The following CNTN5 variants were observed in gnomAD, a reference collection of about 807,000 sequenced individuals.
CNTN5 encodes contactin-5.
Under a neutral mutation model 129.1 loss-of-function variants are expected in CNTN5, and 77 were observed. That is an observed-to-expected ratio of 0.60 (90% CI 0.50 to 0.72). CNTN5 has a LOEUF of 0.72. Among genes scored for constraint, CNTN5 ranks in the 30% least tolerant of loss-of-function variants. The probability of loss-of-function intolerance (pLI) is 0.00; values close to 1 mark genes in which losing one functional copy is unlikely to be tolerated. For missense variants in CNTN5, 1,478 were observed against 1,328.8 expected (o/e 1.11, Z -1.75); for synonymous variants, 509 against 465.6 (o/e 1.09, Z -1.20).
intron 3 of CNTN5, among the ~76,000 whole-genome samples, chr11:99,584,676 A>G (rs889928429): frequency 2.6e-5 from 4 of 152,240 alleles, no homozygotes; most frequent in Non-Finnish European, 4.4e-5. Flanking sequence ...GACAAACAGG[A>G]GGCATACACA....
intron 21 of CNTN5, among the ~76,000 whole-genome samples, chr11:100,310,771 G>C (rs1951454896): frequency 6.6e-6 from 1 of 151,926 alleles, no homozygotes; most frequent in Non-Finnish European, 1.5e-5. Flanking sequence ...TGTGAGTAGA[G>C]ACATGATGTA....
intron 9 of CNTN5, among the ~76,000 whole-genome samples, chr11:100,017,017 C>T (rs1940860896): frequency 6.6e-6 from 1 of 151,834 alleles, no homozygotes; most frequent in African/African-American, 2.4e-5. Context: ...TCTGCTGCTG[C>T]TTTATGGTAC....
intron 9 of CNTN5, among the ~76,000 whole-genome samples, chr11:100,044,145 TAC>T (rs1942530870): frequency 8.0e-6 from 1 of 125,188 alleles, no homozygotes; most frequent in South Asian, 2.8e-4. Context: ...CATGTGTATG[TAC>T]ACACATATAT....
At chr11:99,841,019 C>T (rs913489519) in intron 4 of CNTN5, among the ~76,000 whole-genome samples, 11 of 151,956 alleles carry the variant, frequency 7.2e-5, no homozygotes, top group African/African-American at 2.7e-4. Flanking sequence ...GTTTCTTTTC[C>T]CCCCCTTAAC....
At chr11:99,226,181 T>C (rs1010383011) in intron 1 of CNTN5, among the ~76,000 whole-genome samples, 4 of 152,192 alleles carry the variant, frequency 2.6e-5, no homozygotes, top group Non-Finnish European at 4.4e-5. Context: ...TCTGGCAAAG[T>C]AACTAGAAAT....
intron 18 of CNTN5, among the ~76,000 whole-genome samples, chr11:100,277,715 T>G (rs1472865078): frequency 6.6e-6 from 1 of 152,138 alleles, no homozygotes. Flanking sequence ...ATTCTGTTTA[T>G]CAATCCTTTG....
At chr11:99,798,894 G>A (rs1375421099) in intron 3 of CNTN5, among the ~76,000 whole-genome samples, 1 of 152,140 alleles carries the variant, frequency 6.6e-6, no homozygotes, top group African/African-American at 2.4e-5. Context: ...TCCGATTAAT[G>A]AGCATGGAAT....
At chr11:99,503,767 T>A (rs1454358143) in intron 2 of CNTN5, among the ~76,000 whole-genome samples, 1 of 152,040 alleles carries the variant, frequency 6.6e-6, no homozygotes. Context: ...ATAATGGAAT[T>A]TTTTTTGTAA....
At chr11:99,688,013 T>A (rs1165274096) in intron 3 of CNTN5, among the ~76,000 whole-genome samples, 1 of 152,210 alleles carries the variant, frequency 6.6e-6, no homozygotes, top group African/African-American at 2.4e-5. Context: ...CCAGGAGCTG[T>A]AAGATGGATT....
intron 1 of CNTN5, among the ~76,000 whole-genome samples, chr11:99,100,129 T>C (rs765926489): frequency 6.6e-6 from 1 of 152,192 alleles, no homozygotes; most frequent in Non-Finnish European, 1.5e-5. Flanking sequence ...AACGCTTCTT[T>C]AGGACCTGCA....
intron 2 of CNTN5, among the ~76,000 whole-genome samples, chr11:99,502,944 A>G (rs1946480072): frequency 6.6e-6 from 1 of 152,146 alleles, no homozygotes; most frequent in African/African-American, 2.4e-5. Context: ...GTCATTCTGC[A>G]TGGCTAGAAA....
chr11:99,750,172 C>A (rs990204063), intron 3 of CNTN5, among the ~76,000 whole-genome samples: 3 of 152,114 alleles, frequency 2.0e-5, no homozygotes, highest in Non-Finnish European at 4.4e-5. Context: ...GGAATTAAAT[C>A]TCCATATTAT....
At chr11:99,641,145 A>G (rs923334509) in intron 3 of CNTN5, among the ~76,000 whole-genome samples, 1 of 152,226 alleles carries the variant, frequency 6.6e-6, no homozygotes, top group Non-Finnish European at 1.5e-5. Context: ...TGATCGGATA[A>G]TCTTTTTCCA....
chr11:100,344,447 G>A (rs1474338382), intron 23 of CNTN5, among the ~76,000 whole-genome samples: 1 of 152,092 alleles, frequency 6.6e-6, no homozygotes, highest in East Asian at 1.9e-4. Flanking sequence ...CTAGAAACTG[G>A]ATCTCATAAA....
In CNTN5 at chr11:99,808,864, A is replaced by G. The variant is rs1482724243; in HGVS notation, c.56-10680A>G. 2.6e-5 allele frequency among the ~76,000 whole-genome samples: 4 copies of G among 152,106 alleles called. No homozygotes were observed. In the East Asian group the frequency reaches 7.7e-4, roughly 29 times the overall value. ...CACCTATTCCTCTCTCCCTTTTAAG[A>G]TTGTGCCTTGTGACTTGAGCATCAC... On this transcript the variant is annotated intron_variant, in intron 3 of 24. Transcript: ENST00000524871.
chr11:99,102,723 A>G (rs575366961), intron 1 of CNTN5, among the ~76,000 whole-genome samples: 8 of 152,310 alleles, frequency 5.3e-5, no homozygotes, highest in African/African-American at 1.7e-4. Flanking sequence ...AAGCCATTCA[A>G]CAAGTCTCTG....
At chr11:99,254,337 T>C (rs59833264) in intron 1 of CNTN5, among the ~76,000 whole-genome samples, 2,612 of 152,070 alleles carry the variant, frequency 0.017, 87 homozygotes, top group African/African-American at 0.06. Flanking sequence ...TTTCACGAAA[T>C]AGGGTGAATT....
chr11:99,079,561 A>G (rs1865711079), intron 1 of CNTN5, among the ~76,000 whole-genome samples: 1 of 152,230 alleles, frequency 6.6e-6, no homozygotes, highest in African/African-American at 2.4e-5. Flanking sequence ...TTCACTGGAA[A>G]CATAAGTGAC....
At chr11:99,416,463 A>T (rs756463675) in intron 2 of CNTN5, among the ~76,000 whole-genome samples, 1 of 151,824 alleles carries the variant, frequency 6.6e-6, no homozygotes, top group African/African-American at 2.4e-5. Flanking sequence ...TTTTATTTTC[A>T]TGTTGGTGAG....
Sources: gnomAD v4.1 joint callset for allele counts (sites outside exome capture counted in the v4.1 genomes callset) on GRCh38, gnomAD v4.1.1 for gene constraint, MANE v1.5 for transcripts, NCBI Gene and HGNC (gene_info 2026-07-23, HGNC 2026-07-21) for gene names.